The following EEF2 variants were observed in gnomAD, a reference collection of about 807,000 sequenced individuals.
The protein encoded by EEF2 is elongation factor 2.
EEF2 carries 21 observed loss-of-function variants against 85.3 expected under a neutral mutation model. That is an observed-to-expected ratio of 0.25 (90% CI 0.17 to 0.35). The LOEUF (loss-of-function observed/expected upper bound fraction) is 0.35, where lower values mean the gene tolerates loss of function less well. Ranked by LOEUF, EEF2 falls within the 10% of genes least tolerant of loss-of-function variation. The pLI is 1.00. For synonymous variants in EEF2, 723 were observed against 508.8 expected (o/e 1.42, Z -5.67); for missense variants, 825 against 1,225.3 (o/e 0.67, Z 4.88).
At chr19:3,976,832 C>G (rs2039685162) in intron 14 of EEF2, 85 bp from the exon 15 acceptor site, 12 of 1,379,588 alleles carry the variant, frequency 8.7e-6, no homozygotes, top group Non-Finnish European at 1.1e-5. Context: ...CAGGCTAGTT[C>G]CTCAGCCTGA....
At chr19:3,980,197 GC>G in intron 9 of EEF2, 131 bp from the exon 10 acceptor site, 1 of 1,308,252 alleles carries the variant, frequency 7.6e-7, no homozygotes, top group East Asian at 2.5e-5. Flanking sequence ...CTTCCACAAG[GC>G]CCTGACTGCT....
chr19:3,984,332 G>C lies in EEF2; in HGVS notation c.22C>G (p.Gln8Glu). 1 of 1,614,154 alleles carries C rather than the reference G, an allele frequency of 6.2e-7. No individual in the cohort carries two copies. The change falls in exon 2 of 15, where the codon CAG becomes GAG. Residue 8 changes from glutamine to glutamate, a missense_variant. Physicochemically the swap from Gln to Glu is conservative, Grantham distance 29. Coordinates refer to ENST00000309311, the MANE Select transcript of EEF2 (RefSeq NM_001961.4). MVNFTVD[Q>E]IRAIMDKKAN... ...TTCTTGTCCATGATGGCGCGGATCT[G>C]GTCTACCGTGAAGTTCACCTGGGCA...
Position 3,980,978 on chromosome 19 carries a change from G to A in EEF2, c.1013C>T (p.Ala338Val). 1 of 1,569,860 alleles carries A rather than the reference G, an allele frequency of 6.4e-7. No individual in the cohort carries two copies. Among genetic ancestry groups the A allele is most frequent in the Non-Finnish European group, 8.6e-7 (1 of 1,159,132 alleles). ...GGCAGGCAGCCAGCGGCGCATCACA[G>A]CCTGCGGGGGCAGAGAGCGGTGCAT... The part of the protein sequence containing the change: ...KDKEGKPLLK[A>V]VMRRWLPAGD... Residue 338 changes from alanine to valine, a missense_variant and splice_region_variant, in exon 8 of 15, where the codon GCT (alanine) becomes GTT (valine). Physicochemically the swap from Ala to Val is moderately conservative, Grantham distance 64 (BLOSUM62 0). Transcript: ENST00000309311.
In EEF2 at chr19:3,982,311, G is replaced by A; in HGVS notation, c.726C>T (p.Gly242=). Residue 242 remains glycine (G), a synonymous_variant, in exon 5 of 15, where the codon GGC becomes GGT. Transcript: ENST00000309311. ...YVAKFAAKGE[G]QLGPAERAKK... is the part of the protein sequence containing the mutation. ...TGGCCCGCTCGGCAGGCCCCAACTG[G>A]CCCTCCCCCTTGGCGGCGAACTTGG... is the stretch of plus-strand genomic sequence containing the variant. The A allele has an allele frequency of 6.2e-7, 1 of 1,614,116 alleles. No homozygotes were observed. The highest frequency in any genetic ancestry group is 1.1e-5 in the South Asian group (1 of 91,088).
In EEF2 at chr19:3,978,185, G is replaced by GT; in HGVS notation, c.1714-14dup. The GT allele has an allele frequency of 6.9e-7, 1 of 1,440,996 alleles. No individual in the cohort carries two copies. The highest frequency in any genetic ancestry group is 1.5e-5 in the South Asian group (1 of 65,168). The allele number at this position is 1,440,996 out of a possible 1,614,324, so 89.3% of individuals were successfully genotyped here. A position where few individuals can be genotyped will look rare whatever the true frequency, so the allele number is the denominator to read the frequency against. On this transcript the variant is annotated splice_polypyrimidine_tract_variant and intron_variant, in intron 11 of 14. Transcript: ENST00000309311. ...CCGGGTCAGATTTCTGCAAAAAGAG[G>GT]TTAAGTCCCACTCTTGCCTGGAGAA...
chr19:3,980,394 T>C lies in EEF2; in HGVS notation c.1346+120A>G, dbSNP rs111760650. The C allele has an allele frequency of 2.2e-3, 2,799 of 1,271,250 alleles. 29 individuals carry two copies. The East Asian group carries it at 0.025, about 11-fold the overall frequency. 78.7% of individuals were successfully genotyped at this position (1,271,250 alleles called of 1,614,324 possible). A position where few individuals can be genotyped will look rare whatever the true frequency, so the allele number is the denominator to read the frequency against. The stretch of plus-strand genomic sequence containing the variant: ...GAACAAAAGTTGTGGCTGGCACAAG[T>C]ATCACCCTATATTCCTTCTATGCTC... On this transcript the variant is annotated intron_variant, in intron 9 of 14. Transcript: ENST00000309311.
rs367866062 is a variant in EEF2, at chr19:3,976,480, G to A, written c.*74C>T. On this transcript the variant is annotated 3_prime_UTR_variant, in exon 15 of 15. Coordinates refer to ENST00000309311, the MANE Select transcript of EEF2 (RefSeq NM_001961.4). Reference sequence around the variant, plus strand: ...TGTGTCGGGACAGTCTCCAGGTGTCGTCTGAGAATTCGAGGACGTGGTGCT... The same window carrying A: ...TGTGTCGGGACAGTCTCCAGGTGTCATCTGAGAATTCGAGGACGTGGTGCT... The A allele has an allele frequency of 9.9e-6, 15 of 1,516,506 alleles. No individual in the cohort carries two copies. The highest frequency in any genetic ancestry group is 4.1e-5 in the African/African-American group (3 of 72,426). 93.9% of individuals were successfully genotyped at this position (1,516,506 alleles called of 1,614,324 possible). A position where few individuals can be genotyped will look rare whatever the true frequency, so the allele number is the denominator to read the frequency against.
chr19:3,984,581 G>A (rs900534217), intron 1 of EEF2, among the ~76,000 whole-genome samples: 4 of 152,188 alleles, frequency 2.6e-5, no homozygotes, highest in African/African-American at 9.7e-5. Flanking sequence ...AGAAATAAAA[G>A]TGCTCAGGAA....
chr19:3,981,407 G>A lies in EEF2; in HGVS notation c.943C>T (p.Leu315=), dbSNP rs138262793. 4.2e-5 allele frequency: 67 copies of A among 1,614,220 alleles called. No homozygotes were observed. The highest frequency in any genetic ancestry group is 5.2e-5 in the Non-Finnish European group (61 of 1,180,046). The change falls in exon 7 of 15, where the codon CTG becomes TTG. Residue 315 remains leucine, a synonymous_variant. Transcript: ENST00000309311. ...MNFKKEETAK[L]IEKLDIKLDS... Reference sequence around the variant, plus strand: ...AGTTTGATGTCCAGTTTCTCTATCAGTTTTGCTGTCTCCTCTTTCTTGAAA... The same window carrying A: ...AGTTTGATGTCCAGTTTCTCTATCAATTTTGCTGTCTCCTCTTTCTTGAAA...
rs772173797 is a variant in EEF2, at chr19:3,977,437, C to T, written c.2241G>A (p.Val747=). 2.8e-5 allele frequency: 45 copies of T among 1,584,842 alleles called. No individual in the cohort carries two copies. Among genetic ancestry groups the T allele is most frequent in the Middle Eastern group, 1.7e-4 (1 of 5,956 alleles). The change falls in exon 13 of 15, where the codon GTG becomes GTA. Residue 747 remains valine, a synonymous_variant. Coordinates refer to ENST00000309311, the MANE Select transcript of EEF2 (RefSeq NM_001961.4). The surrounding 1 kb of genome is among the most constrained non-coding windows in gnomAD (Gnocchi z 5.4). ...GGCGGGTAGACCTCACCTGGATCTCCACAAGGTAGATGGGCTCCATGAGGC... is the reference window on the plus strand; with the variant it reads ...GGCGGGTAGACCTCACCTGGATCTCTACAAGGTAGATGGGCTCCATGAGGC... ...QPRLMEPIYL[V]EIQCPEQVVG...
chr19:3,979,223 CCGAGAT>C, intron 11 of EEF2, 100 bp downstream of exon 11: 1 of 830,416 alleles, frequency 1.2e-6, no homozygotes, highest in Non-Finnish European at 1.9e-6. Context: ...GAGACCAAGA[CCGAGAT>C]CAAGTCTAGG....
At position 3,983,036 on chromosome 19, in the gene EEF2, A is replaced by G. The variant is rs1490603165; in HGVS notation, c.401-18T>C. 1.2e-6 allele frequency: 2 copies of G among 1,611,860 alleles called. No individual in the cohort carries two copies. The highest frequency in any genetic ancestry group is 1.7e-6 in the Non-Finnish European group (2 of 1,178,908). ...GCACACGCCTGGGGACACGGGGGAC[A>G]GGGCGGCGCTGTCATCCTCAAGCAA... On this transcript the variant is annotated intron_variant, in intron 3 of 14. Transcript: ENST00000309311.
chr19:3,978,741 T>TG (rs1220906405), intron 11 of EEF2, among the ~76,000 whole-genome samples: 1 of 133,272 alleles, frequency 7.5e-6, no homozygotes, highest in Non-Finnish European at 1.5e-5. Flanking sequence ...AAGCAGAGCT[T>TG]GCAGTGAGCC....
chr19:3,983,323 G>A, intron 2 of EEF2, 32 bp from the exon 3 acceptor site: 2 of 1,603,114 alleles, frequency 1.2e-6, no homozygotes, highest in South Asian at 1.1e-5. Flanking sequence ...CAGGGGGACA[G>A]GAGCCACACA....
chr19:3,983,765 C>T (rs1021496224), intron 2 of EEF2: 2 of 328,240 alleles, frequency 6.1e-6, no homozygotes, highest in Non-Finnish European at 1.2e-5. Flanking sequence ...GGGCCAGAAA[C>T]TGACATGGAA....
Position 3,982,520 on chromosome 19 carries a change from C to A in EEF2, c.613-96G>T, listed in dbSNP as rs757067511. ...CTTGGGCATGGGCCTCAGACGCAGG[C>A]TTTCTTCAGTAGACATCTGGTCAAA... On this transcript the variant is annotated intron_variant, in intron 4 of 14. Transcript: ENST00000309311. 18 of 1,471,676 alleles carry A rather than the reference C, an allele frequency of 1.2e-5. No individual in the cohort carries two copies. The South Asian group carries it at 1.3e-4, about 10-fold the overall frequency. 91.2% of individuals were successfully genotyped at this position (1,471,676 alleles called of 1,614,324 possible).
At chr19:3,978,226 C>A (rs767608925) in intron 11 of EEF2, 54 bp from the exon 12 acceptor site, 2 of 1,396,608 alleles carry the variant, frequency 1.4e-6, no homozygotes, top group Non-Finnish European at 1.9e-6. Flanking sequence ...TGACCTTACA[C>A]ACAGACGCAT....
At chr19:3,983,600 GC>G (rs2039782681) in intron 2 of EEF2, among the ~76,000 whole-genome samples, 2 of 152,216 alleles carry the variant, frequency 1.3e-5, no homozygotes, top group South Asian at 4.1e-4. Context: ...CAGCAGGACG[GC>G]AAAAGCCTCC....
At chr19:3,984,724 C>T (rs189016508) in intron 1 of EEF2, 76 of 221,450 alleles carry the variant, frequency 3.4e-4, no homozygotes, top group African/African-American at 1.7e-3. Flanking sequence ...CAAACTTCCC[C>T]GAGCAAGAAG....
Sources: allele counts gnomAD v4.1 joint callset (sites outside exome capture counted in the v4.1 genomes callset), GRCh38; gene constraint gnomAD v4.1.1; non-coding constraint Gnocchi (gnomAD v3.1); transcripts MANE v1.5; gene names NCBI Gene and HGNC (gene_info 2026-07-23, HGNC 2026-07-21).